The following FAT3 variants were observed in gnomAD, a reference collection of about 807,000 sequenced individuals.
FAT3 encodes protocadherin Fat 3.
In FAT3, 95 loss-of-function variants were observed where a neutral mutation model predicts 310.2. The observed-to-expected ratio is 0.31, with a 90% CI of 0.26 to 0.36. The LOEUF (loss-of-function observed/expected upper bound fraction) is 0.36. Among genes scored for constraint, FAT3 ranks in the 10% least tolerant of loss-of-function variants. The probability of loss-of-function intolerance (pLI) is 1.00; values close to 1 mark genes in which losing one functional copy is unlikely to be tolerated. For synonymous variants in FAT3, 2,314 were observed against 2,192.9 expected (o/e 1.06, Z -1.54); for missense variants, 5,408 against 5,715.6 (o/e 0.95, Z 1.74).
chr11:92,609,374 G>A lies in FAT3; in HGVS notation c.3607+84426G>A, dbSNP rs147760643. On this transcript the variant is annotated intron_variant, in intron 3 of 27. Coordinates refer to ENST00000525166, the MANE Select transcript of FAT3 (RefSeq NM_001367949.2). Reference sequence around the variant, plus strand: ...AAAACCTGTTTAGAATTTGCAAGTGGCTATATCTAATTTTCTGGTGTCTTT... The same window carrying A: ...AAAACCTGTTTAGAATTTGCAAGTGACTATATCTAATTTTCTGGTGTCTTT... Among the ~76,000 whole-genome samples, 139 of 152,230 alleles carry A rather than the reference G, an allele frequency of 9.1e-4. 4 individuals carry two copies. The East Asian group carries it at 0.024, about 26-fold the overall frequency.
intron 4 of FAT3, among the ~76,000 whole-genome samples, chr11:92,726,409 GAC>G (rs1173924274): frequency 3.3e-5 from 5 of 152,114 alleles, no homozygotes; most frequent in Non-Finnish European, 7.4e-5. Flanking sequence ...GCTGAGAAAA[GAC>G]ACAGAACAAC....
At chr11:92,454,856 C>T (rs185923440) in intron 2 of FAT3, among the ~76,000 whole-genome samples, 1 of 152,022 alleles carries the variant, frequency 6.6e-6, no homozygotes, top group East Asian at 1.9e-4. Flanking sequence ...TTTCCACGTG[C>T]CAAGCCCTAT....
chr11:92,250,106 C>T (rs1008928742), intron 1 of FAT3, among the ~76,000 whole-genome samples: 1 of 152,052 alleles, frequency 6.6e-6, no homozygotes, highest in Non-Finnish European at 1.5e-5. Flanking sequence ...TTGCTCTCTG[C>T]CCCGGACATT....
chr11:92,876,605 C>T (rs931603310), intron 22 of FAT3, among the ~76,000 whole-genome samples: 2 of 152,102 alleles, frequency 1.3e-5, no homozygotes, highest in African/African-American at 4.8e-5. Flanking sequence ...AGTCTCTTTC[C>T]CTCTGTGTTT....
At chr11:92,230,884 A>G (rs978659938) in intron 1 of FAT3, among the ~76,000 whole-genome samples, 1 of 152,196 alleles carries the variant, frequency 6.6e-6, no homozygotes, top group African/African-American at 2.4e-5. Context: ...GTAAGTTATT[A>G]AAGTGAATAT....
At chr11:92,329,076 AGTGT>A (rs1200534885) in intron 1 of FAT3, among the ~76,000 whole-genome samples, 3 of 150,144 alleles carry the variant, frequency 2.0e-5, no homozygotes, top group Non-Finnish European at 4.4e-5. Context: ...TTTATTTTTG[AGTGT>A]GTAATCATCC....
At chr11:92,762,813 T>TA (rs1308271127) in intron 5 of FAT3, among the ~76,000 whole-genome samples, 1 of 152,070 alleles carries the variant, frequency 6.6e-6, no homozygotes, top group East Asian at 1.9e-4. Flanking sequence ...TTTAGCCAGG[T>TA]AGTACCTATT....
chr11:92,529,464 G>A (rs1953994675), intron 3 of FAT3, among the ~76,000 whole-genome samples: 1 of 152,172 alleles, frequency 6.6e-6, no homozygotes, highest in East Asian at 1.9e-4. Flanking sequence ...ATTAGAAGTA[G>A]CAAATACATA....
In FAT3 at chr11:92,800,934, A is replaced by T; in HGVS notation, c.7921A>T (p.Ser2641Cys). ...ANSRITYSLY[S>C]EASVSVADLL... Reference sequence around the variant, plus strand: ...TTCAAGGATTACTTATTCCCTCTATAGCGAGGCCTCTGTTTCAGTGGCCGA... The same window carrying T: ...TTCAAGGATTACTTATTCCCTCTATTGCGAGGCCTCTGTTTCAGTGGCCGA... Residue 2641 changes from serine (S) to cysteine (C), a missense_variant, in exon 10 of 28, where the codon AGC becomes TGC. Around this residue, in one of 5 missense-constraint regions of FAT3, gnomAD observed 4,588 missense variants for 4,809.8 expected, o/e 0.95. Transcript: ENST00000525166. 1 of 1,612,802 alleles carries T rather than the reference A, an allele frequency of 6.2e-7. No individual in the cohort carries two copies. Among genetic ancestry groups the T allele is most frequent in the Non-Finnish European group, 8.5e-7 (1 of 1,179,404 alleles).
At chr11:92,454,170 G>A (rs539508233) in intron 2 of FAT3, among the ~76,000 whole-genome samples, 3 of 152,100 alleles carry the variant, frequency 2.0e-5, no homozygotes, top group Non-Finnish European at 4.4e-5. Context: ...TACACTTAAA[G>A]CACACCTCAA....
chr11:92,856,199 A>G (rs181969294), intron 19 of FAT3, among the ~76,000 whole-genome samples: 28 of 152,250 alleles, frequency 1.8e-4, no homozygotes, highest in Admixed American at 5.2e-4. Flanking sequence ...GAGCATGATC[A>G]TGGGCCAGAT....
chr11:92,591,527 G>A (rs1939426822), intron 3 of FAT3, among the ~76,000 whole-genome samples: 1 of 152,098 alleles, frequency 6.6e-6, no homozygotes, highest in Admixed American at 6.6e-5. Context: ...TAGCAAATAG[G>A]ACACTTAGTG....
intron 3 of FAT3, among the ~76,000 whole-genome samples, chr11:92,666,628 G>A (rs1411520779): frequency 6.6e-6 from 1 of 151,696 alleles, no homozygotes; most frequent in Non-Finnish European, 1.5e-5. Flanking sequence ...CCAAAGTGCT[G>A]AGATTACAGG....
At chr11:92,443,231 T>C (rs1951121218) in intron 2 of FAT3, among the ~76,000 whole-genome samples, 1 of 152,218 alleles carries the variant, frequency 6.6e-6, no homozygotes, top group Non-Finnish European at 1.5e-5. Context: ...AGATTCTTCC[T>C]AGTTTATTGT....
At chr11:92,272,884 C>T (rs965500043) in intron 1 of FAT3, among the ~76,000 whole-genome samples, 1 of 152,102 alleles carries the variant, frequency 6.6e-6, no homozygotes, top group Non-Finnish European at 1.5e-5. Flanking sequence ...ACCTGCTGTC[C>T]AGCTGACAGA....
chr11:92,562,711 C>T (rs950995341), intron 3 of FAT3, among the ~76,000 whole-genome samples: 2 of 152,044 alleles, frequency 1.3e-5, no homozygotes, highest in African/African-American at 4.8e-5. Flanking sequence ...TGTTATAATT[C>T]CTGGAGTTTG....
chr11:92,356,187 A>T (rs377669214), intron 2 of FAT3, among the ~76,000 whole-genome samples: 1 of 152,122 alleles, frequency 6.6e-6, no homozygotes, highest in African/African-American at 2.4e-5. Context: ...TAAAATGTTC[A>T]TGTGCCTGGA....
intron 3 of FAT3, among the ~76,000 whole-genome samples, chr11:92,622,070 C>G (rs1941113664): frequency 6.6e-6 from 1 of 152,102 alleles, no homozygotes. Flanking sequence ...CCCCCAGCAC[C>G]TTAAAAAATG....
At chr11:92,302,552 T>G (rs2513461) in intron 1 of FAT3, among the ~76,000 whole-genome samples, 3 of 152,128 alleles carry the variant, frequency 2.0e-5, no homozygotes, top group Admixed American at 2.0e-4. Flanking sequence ...TAAAACCCAT[T>G]GGTAGAAATC....
Sources: allele counts gnomAD v4.1 joint callset (sites outside exome capture counted in the v4.1 genomes callset), GRCh38; gene constraint gnomAD v4.1.1; regional missense constraint gnomAD v4.1.1; transcripts MANE v1.5; gene names NCBI Gene and HGNC (gene_info 2026-07-23, HGNC 2026-07-21).